Variants in KCNC4 observed in about 807,000 individuals in gnomAD.
KCNC4 encodes potassium voltage-gated channel subfamily C member 4.
In KCNC4, 23 loss-of-function variants were observed where a neutral mutation model predicts 42.8. The ratio of observed to expected loss-of-function variants is 0.54; its 90% CI spans 0.39 to 0.76. The LOEUF is 0.76. KCNC4 is among the 30% of genes least tolerant of loss of function. The pLI is 0.00. For synonymous variants in KCNC4, 422 were observed against 393.5 expected (o/e 1.07, Z -0.86); for missense variants, 751 against 898.2 (o/e 0.84, Z 2.10).
chr1:110,267,883 T>A (rs1455141071), intron 1 of KCNC4, among the ~76,000 whole-genome samples: 1 of 152,230 alleles, frequency 6.6e-6, no homozygotes, highest in Non-Finnish European at 1.5e-5. Context: ...TGCCCCTTCC[T>A]TGTTCAGAGA....
At chr1:110,232,407 G>C in intron 3 of KCNC4, 1 of 1,522,924 alleles carries the variant, frequency 6.6e-7, no homozygotes. Flanking sequence ...AGCAGATGGA[G>C]CTACTTGGGG....
chr1:110,239,750 C>G (rs972753686), exon 4 of KCNC4: 8 of 152,190 alleles, frequency 5.3e-5, no homozygotes, highest in African/African-American at 1.9e-4. Flanking sequence ...TTATGCATTT[C>G]CTGCCTGAGA....
chr1:110,223,011 T>C lies in KCNC4; in HGVS notation c.726T>C (p.Thr242=). Residue 242 remains threonine, a synonymous_variant, in exon 2 of 4, where the codon ACT becomes ACC. Transcript: ENST00000438661. This position sits in a 1 kb window ranked among gnomAD's most constrained non-coding sequence, Gnocchi z 7.5. ...TCTTCATCCTGGTCTCCATCACCAC[T>C]TTCTGCCTGGAGACCCATGAGGCCT... is the stretch of plus-strand genomic sequence containing the variant. ...SLFFILVSIT[T]FCLETHEAFN... is the part of the protein sequence containing the mutation. 1 of 1,614,156 alleles carries C rather than the reference T, an allele frequency of 6.2e-7. No individual in the cohort carries two copies. The highest frequency in any genetic ancestry group is 8.5e-7 in the Non-Finnish European group (1 of 1,180,018).
At chr1:110,259,938 G>A (rs1659396450) in intron 1 of KCNC4, among the ~76,000 whole-genome samples, 1 of 152,174 alleles carries the variant, frequency 6.6e-6, no homozygotes, top group Non-Finnish European at 1.5e-5. Flanking sequence ...TCCTGTCCAG[G>A]TTCTGTCCTC....
intron 3 of KCNC4, chr1:110,232,133 C>T (rs1557864305): frequency 1.5e-6 from 2 of 1,313,200 alleles, no homozygotes; most frequent in Non-Finnish European, 2.1e-6. Context: ...GTAGACATCC[C>T]AGGCTGAGGG....
At chr1:110,266,076 C>T (rs1215009608) in intron 1 of KCNC4, among the ~76,000 whole-genome samples, 1 of 151,408 alleles carries the variant, frequency 6.6e-6, no homozygotes, top group Non-Finnish European at 1.5e-5. Flanking sequence ...CACTGTGGAG[C>T]ATTTAATAGA....
chr1:110,238,707 C>G (rs978971262), downstream of KCNC4: 1 of 152,172 alleles, frequency 6.6e-6, no homozygotes, highest in African/African-American at 2.4e-5. Flanking sequence ...CCTCCCTGGT[C>G]CCCCTCAGCG....
chr1:110,277,729 A>G (rs565921761), intron 1 of KCNC4, among the ~76,000 whole-genome samples: 5 of 152,374 alleles, frequency 3.3e-5, no homozygotes, highest in African/African-American at 4.8e-5. Context: ...CCCTCCTCCA[A>G]TTAAATGTAG....
chr1:110,226,152 C>T lies in KCNC4; in HGVS notation c.1793C>T (p.Ala598Val). The change falls in exon 3 of 4, where the codon GCC (alanine) becomes GTC (valine). Residue 598 changes from alanine (A) to valine (V), a missense_variant. Ala to Val is a moderately conservative substitution (Grantham distance 64, BLOSUM62 0). This residue lies in a region of KCNC4 where 202 missense variants were observed against 181.5 expected (regional missense o/e 1.11). Coordinates refer to ENST00000438661, the MANE Select transcript of KCNC4 (RefSeq NM_001039574.3). ...ACFLLSTGDY[A>V]CADGSVRKET... ...TTCCTGCTCAGCACTGGGGACTATG[C>T]CTGCGCCGATGGTAGTGTCCGGAAA... The T allele has an allele frequency of 6.2e-7, 1 of 1,614,148 alleles. No individual in the cohort carries two copies. The highest frequency in any genetic ancestry group is 2.2e-5 in the East Asian group (1 of 44,860).
At chr1:110,276,823 G>T (rs1326056140) in intron 1 of KCNC4, among the ~76,000 whole-genome samples, 2 of 152,112 alleles carry the variant, frequency 1.3e-5, no homozygotes, top group South Asian at 4.1e-4. Flanking sequence ...GTGTTATCAT[G>T]TCACCAAGCC....
At chr1:110,255,198 G>A (rs1659310186) in intron 1 of KCNC4, among the ~76,000 whole-genome samples, 2 of 152,196 alleles carry the variant, frequency 1.3e-5, no homozygotes, top group Admixed American at 1.3e-4. Context: ...GTTGGCAAAT[G>A]AGCAAATGCC....
At chr1:110,266,462 G>T (rs566312976) in intron 1 of KCNC4, among the ~76,000 whole-genome samples, 1 of 152,296 alleles carries the variant, frequency 6.6e-6, no homozygotes, top group South Asian at 2.1e-4. Context: ...GTCATTCATT[G>T]TTGGTAACCC....
At chr1:110,246,943 C>T (rs1571068247) in exon 4 of KCNC4, 1 of 152,042 alleles carries the variant, frequency 6.6e-6, no homozygotes, top group South Asian at 2.1e-4. Context: ...TCTGAGTCTC[C>T]ATTGTCCGTC....
In KCNC4 at chr1:110,223,338, C is replaced by T. The variant is rs757033659; in HGVS notation, c.1053C>T (p.Phe351=). Residue 351 remains phenylalanine (F), a synonymous_variant, in exon 2 of 4, where the codon TTC becomes TTT. Transcript: ENST00000438661. The surrounding 1 kb of genome is among the most constrained non-coding windows in gnomAD (Gnocchi z 7.5). ...DVLGFLRVVR[F]VRILRIFKLT... The stretch of plus-strand genomic sequence containing the variant: ...TGGGCTTCCTGCGCGTGGTGCGCTT[C>T]GTGCGCATCCTGCGTATCTTCAAGC... The T allele has an allele frequency of 8.7e-6, 14 of 1,613,814 alleles. No homozygotes were observed. The highest frequency in any genetic ancestry group is 2.2e-5 in the South Asian group (2 of 91,070).
intron 3 of KCNC4, chr1:110,232,321 G>A: frequency 6.2e-7 from 1 of 1,611,856 alleles, no homozygotes; most frequent in Non-Finnish European, 8.5e-7. Context: ...GAAGGGGGCT[G>A]GGCACGACAT....
intron 1 of KCNC4, among the ~76,000 whole-genome samples, chr1:110,263,915 T>C (rs1237958061): frequency 6.6e-6 from 1 of 151,962 alleles, no homozygotes; most frequent in African/African-American, 2.4e-5. Context: ...GGTACAAAGC[T>C]CCCCCATTCT....
At chr1:110,240,954 A>C (rs968115724) in exon 4 of KCNC4, 2 of 152,370 alleles carry the variant, frequency 1.3e-5, no homozygotes, top group Admixed American at 1.3e-4. Context: ...TCTTCCCCTG[A>C]GGGGATGACA....
chr1:110,262,273 T>C (rs901032877), intron 1 of KCNC4, among the ~76,000 whole-genome samples: 35 of 152,234 alleles, frequency 2.3e-4, no homozygotes, highest in African/African-American at 7.7e-4. Flanking sequence ...TATACTGCCT[T>C]AGACTTCTGG....
At chr1:110,276,626 C>T (rs61784535) in intron 1 of KCNC4, among the ~76,000 whole-genome samples, 13,518 of 152,188 alleles carry the variant, frequency 0.089, 846 homozygotes, top group Non-Finnish European at 0.13. Context: ...CCAGTCCAGC[C>T]TGTTTGGGTT....
Sources: allele counts gnomAD v4.1 joint callset (sites outside exome capture counted in the v4.1 genomes callset), GRCh38; gene constraint gnomAD v4.1.1; regional missense constraint gnomAD v4.1.1; non-coding constraint Gnocchi (gnomAD v3.1); transcripts MANE v1.5; gene names NCBI Gene and HGNC (gene_info 2026-07-23, HGNC 2026-07-21).